HYCC1: variants seen among roughly 807,000 people sequenced by gnomAD.
HYCC1 encodes hyccin.
At chr7:22,947,512 T>C in the HYCC1 span, among the ~76,000 whole-genome samples, 1 of 152,108 alleles carries the variant, frequency 6.6e-6, no homozygotes, top group Non-Finnish European at 1.5e-5. Context: ...ACATTTCACA[T>C]GGAATATGAA....
chr7:22,970,342 T>C, the HYCC1 span, among the ~76,000 whole-genome samples: 2,403 of 152,326 alleles, frequency 0.016, 66 homozygotes, highest in African/African-American at 0.055. Flanking sequence ...TAACTCTACT[T>C]ATCAAATCAT....
the HYCC1 span, among the ~76,000 whole-genome samples, chr7:22,903,206 A>G: frequency 2.6e-5 from 4 of 152,168 alleles, no homozygotes; most frequent in Admixed American, 6.5e-5. Flanking sequence ...TAATCCAGTA[A>G]TTTCACTCAT....
chr7:22,922,881 T>C, the HYCC1 span, among the ~76,000 whole-genome samples: 4 of 152,120 alleles, frequency 2.6e-5, no homozygotes, highest in East Asian at 1.9e-4. Flanking sequence ...TAGAAATACA[T>C]ATACACCTAA....
the HYCC1 span, among the ~76,000 whole-genome samples, chr7:22,921,708 T>G: frequency 6.6e-6 from 1 of 152,122 alleles, no homozygotes; most frequent in Non-Finnish European, 1.5e-5. Flanking sequence ...CAACATAAAT[T>G]CATATTTTTA....
At chr7:22,896,319 A>G in the HYCC1 span, among the ~76,000 whole-genome samples, 1 of 152,242 alleles carries the variant, frequency 6.6e-6, no homozygotes, top group East Asian at 1.9e-4. Context: ...AAATGTTAAT[A>G]GGCAGACTGC....
chr7:22,943,881 T>C, the HYCC1 span: 1 of 152,560 alleles, frequency 6.6e-6, no homozygotes, highest in African/African-American at 2.4e-5. Flanking sequence ...TTACTGGAGC[T>C]AAAAGAAAAT....
the HYCC1 span, among the ~76,000 whole-genome samples, chr7:22,932,042 T>C: frequency 6.6e-6 from 1 of 152,034 alleles, no homozygotes; most frequent in African/African-American, 2.4e-5. Flanking sequence ...GATGAGAAAA[T>C]ATGGTCTGGA....
the HYCC1 span, chr7:22,946,148 G>A: frequency 6.2e-7 from 1 of 1,612,136 alleles, no homozygotes; most frequent in Non-Finnish European, 8.5e-7. Context: ...TTCTTGACCT[G>A]TTAATTCTGT....
chr7:22,916,238 C>T, the HYCC1 span, among the ~76,000 whole-genome samples: 6 of 152,190 alleles, frequency 3.9e-5, no homozygotes, highest in Non-Finnish European at 5.9e-5. Context: ...CAGGTTAGTT[C>T]AGGATCTGCG....
the HYCC1 span, among the ~76,000 whole-genome samples, chr7:22,982,756 C>T: frequency 6.6e-6 from 1 of 152,106 alleles, no homozygotes; most frequent in Non-Finnish European, 1.5e-5. Context: ...CTCCACATAG[C>T]CACCTTCCTA....
chr7:22,913,126 G>GA, the HYCC1 span, among the ~76,000 whole-genome samples: 32,444 of 146,352 alleles, frequency 0.22, 3,722 homozygotes, highest in Non-Finnish European at 0.27. Flanking sequence ...CTCCATCTTG[G>GA]AAAAAAAAAA....
At chr7:22,898,747 C>T in the HYCC1 span, among the ~76,000 whole-genome samples, 1 of 151,682 alleles carries the variant, frequency 6.6e-6, no homozygotes. Context: ...GGACTACAGG[C>T]GCCCGCCACC....
the HYCC1 span, among the ~76,000 whole-genome samples, chr7:22,948,000 G>A: frequency 5.3e-5 from 8 of 152,080 alleles, no homozygotes; most frequent in East Asian, 7.7e-4. Flanking sequence ...AAACAAATTC[G>A]TTGTCAGCCC....
At chr7:22,945,099 A>C in the HYCC1 span, 2 of 159,334 alleles carry the variant, frequency 1.3e-5, no homozygotes, top group African/African-American at 2.4e-5. Flanking sequence ...TGGCTTCCTG[A>C]CCAGGAGCTA....
chr7:22,988,717 G>A, the HYCC1 span, among the ~76,000 whole-genome samples: 1 of 152,082 alleles, frequency 6.6e-6, no homozygotes, highest in African/African-American at 2.4e-5. Flanking sequence ...CTTGGCTTTC[G>A]CTGTTCCATG....
chr7:22,965,598 A>G, the HYCC1 span, among the ~76,000 whole-genome samples: 1 of 151,132 alleles, frequency 6.6e-6, no homozygotes, highest in African/African-American at 2.4e-5. Context: ...GGAAACTAAA[A>G]AAAAAAAAAA....
the HYCC1 span, among the ~76,000 whole-genome samples, chr7:22,993,901 T>C: frequency 6.6e-6 from 1 of 152,174 alleles, no homozygotes; most frequent in South Asian, 2.1e-4. Context: ...ATTCTACCCA[T>C]GTTAATACTC....
the HYCC1 span, among the ~76,000 whole-genome samples, chr7:22,902,791 A>G: frequency 2.0e-5 from 3 of 152,178 alleles, no homozygotes; most frequent in Admixed American, 6.5e-5. Context: ...AGACTAATAT[A>G]AAATCTAAAA....
chr7:22,999,919 C>G, the HYCC1 span, among the ~76,000 whole-genome samples: 30 of 151,994 alleles, frequency 2.0e-4, no homozygotes, highest in African/African-American at 5.6e-4. Context: ...CAAGGGCCAT[C>G]ATGAGAAAAT....
Sources: allele counts gnomAD v4.1 joint callset (sites outside exome capture counted in the v4.1 genomes callset), GRCh38; gene constraint gnomAD v4.1.1; transcripts MANE v1.5; gene names NCBI Gene and HGNC (gene_info 2026-07-23, HGNC 2026-07-21).